Variants in SH3BP4 observed in about 807,000 individuals in gnomAD.
The protein encoded by SH3BP4 is SH3 domain binding protein 4, also known as SH3 domain-binding protein 4.
In SH3BP4, 33 loss-of-function variants were observed where a neutral mutation model predicts 65.5. That is an observed-to-expected ratio of 0.50 (90% CI 0.38 to 0.67). The LOEUF (loss-of-function observed/expected upper bound fraction) is 0.67. SH3BP4 is among the 30% of genes least tolerant of loss of function. The pLI is 0.00. For missense variants in SH3BP4, 1,134 were observed against 1,261.4 expected (o/e 0.90, Z 1.53); for synonymous variants, 552 against 545.5 (o/e 1.01, Z -0.17).
chr2:235,053,963 C>A lies in SH3BP4; in HGVS notation c.*147C>A. ...CCAGCTAGGCTACACCCATCATGCG[C>A]CGCCCTCCTCCATCGAGGGAGAGGC... On this transcript the variant is annotated 3_prime_UTR_variant, in exon 6 of 6. Transcript: ENST00000392011. 3.2e-6 allele frequency: 2 copies of A among 628,322 alleles called. No homozygotes were observed. Among genetic ancestry groups the A allele is most frequent in the Middle Eastern group, 4.3e-4 (1 of 2,324 alleles). The allele number at this position is 628,322 out of a possible 1,614,324, so 38.9% of individuals were successfully genotyped here.
rs1693756520 is a variant in SH3BP4, at chr2:234,991,804, A to G, written c.-206-3499A>G. ...GAATCCATCCACTGGGACCTCCCGG[A>G]CATGACAAGCCAGATTCTCTCCTCC... is the stretch of plus-strand genomic sequence containing the variant. On this transcript the variant is annotated intron_variant, in intron 1 of 5. Coordinates refer to ENST00000392011, the MANE Select transcript of SH3BP4 (RefSeq NM_014521.3). The surrounding 1 kb of genome is among the most constrained non-coding windows in gnomAD (Gnocchi z 4.2). Among the ~76,000 whole-genome samples, 1 of 152,166 alleles carries G rather than the reference A, an allele frequency of 6.6e-6. No individual in the cohort carries two copies. The highest frequency in any genetic ancestry group is 6.5e-5 in the Admixed American group (1 of 15,280).
At chr2:234,975,566 G>C (rs1230275932) in intron 1 of SH3BP4, among the ~76,000 whole-genome samples, 1 of 152,170 alleles carries the variant, frequency 6.6e-6, no homozygotes, top group Non-Finnish European at 1.5e-5. Flanking sequence ...AAGCTTTGAG[G>C]GTCAAAAATT....
rs182295426 is a variant in SH3BP4 at position 235,026,410 on chromosome 2, T to A, written c.-132-8461T>A. Among the ~76,000 whole-genome samples the A allele has an allele frequency of 2.0e-5, 3 of 152,298 alleles. 1 individual carries two copies. Among genetic ancestry groups the A allele is most frequent in the Admixed American group, 1.3e-4 (2 of 15,306 alleles). Reference sequence around the variant, plus strand: ...ATCTCTGGAGTCTGAGTCACCAGCTTGGCACCCACAGTTAAGCCTTGAATG... The same window carrying A: ...ATCTCTGGAGTCTGAGTCACCAGCTAGGCACCCACAGTTAAGCCTTGAATG... On this transcript the variant is annotated intron_variant, in intron 2 of 5. Coordinates refer to ENST00000392011, the MANE Select transcript of SH3BP4 (RefSeq NM_014521.3). This position sits in a 1 kb window ranked among gnomAD's most constrained non-coding sequence, Gnocchi z 4.6.
At position 235,033,824 on chromosome 2, in the gene SH3BP4, G is replaced by A. The variant is rs537126422; in HGVS notation, c.-132-1047G>A. ...TGCAAAGGGTGGTGTCAGGGCCTCC[G>A]GGTCTCTGCATGGTAAAGGCAGCAC... On this transcript the variant is annotated intron_variant, in intron 2 of 5. Transcript: ENST00000392011. This position sits in a 1 kb window ranked among gnomAD's most constrained non-coding sequence, Gnocchi z 5.7. Among the ~76,000 whole-genome samples, 106 of 152,248 alleles carry A rather than the reference G, an allele frequency of 7.0e-4. 1 individual carries two copies. The Middle Eastern group carries it at 0.01, about 15-fold the overall frequency.
Position 235,052,640 on chromosome 2 carries a change from G to A in SH3BP4, c.2557G>A (p.Val853Met). The change falls in exon 5 of 6, where the codon GTG (valine) becomes ATG (methionine). Residue 853 changes from valine to methionine, a missense_variant. Val to Met is a conservative substitution (Grantham distance 21). Coordinates refer to ENST00000392011, the MANE Select transcript of SH3BP4 (RefSeq NM_014521.3). The surrounding 1 kb of genome is among the most constrained non-coding windows in gnomAD (Gnocchi z 5.0). ...DFVLLTTAVE[V>M]AQRWRELAEK... Reference sequence around the variant, plus strand: ...TGTGCTCCTGACCACGGCTGTAGAGGTGGCCCAGCGCTGGCGGGAGCTGGC... The same window carrying A: ...TGTGCTCCTGACCACGGCTGTAGAGATGGCCCAGCGCTGGCGGGAGCTGGC... The A allele has an allele frequency of 6.3e-7, 1 of 1,580,272 alleles. No individual in the cohort carries two copies.
intron 2 of SH3BP4, among the ~76,000 whole-genome samples, chr2:235,028,250 T>G (rs1317102333): frequency 6.6e-6 from 1 of 152,188 alleles, no homozygotes; most frequent in Non-Finnish European, 1.5e-5. Context: ...GGTCTTGAGA[T>G]CCAGTGGTGG....
In SH3BP4 at chr2:234,976,379, A is replaced by G. The variant is rs1339027529; in HGVS notation, c.-206-18924A>G. 1.3e-5 allele frequency among the ~76,000 whole-genome samples: 2 copies of G among 152,130 alleles called. No homozygotes were observed. The highest frequency in any genetic ancestry group is 4.8e-5 in the African/African-American group (2 of 41,438). On this transcript the variant is annotated intron_variant, in intron 1 of 5. Transcript: ENST00000392011. The surrounding 1 kb of genome is among the most constrained non-coding windows in gnomAD (Gnocchi z 4.7). ...TAGATTTTAAACTTGTGTTGACCTT[A>G]TAGTCAACTGATAGTTCTGAGTAGT... is the stretch of plus-strand genomic sequence containing the variant.
rs1303858365 is a variant in SH3BP4 at position 235,035,104 on chromosome 2, C to G, written c.102C>G (p.Ser34Arg). The G allele has an allele frequency of 6.2e-7, 1 of 1,612,992 alleles. No individual in the cohort carries two copies. The highest frequency in any genetic ancestry group is 8.5e-7 in the Non-Finnish European group (1 of 1,179,038). The change falls in exon 3 of 6, where the codon AGC becomes AGG. Residue 34 changes from serine (S) to arginine (R), a missense_variant. Physicochemically the swap from Ser to Arg is moderately radical, Grantham distance 110. Transcript: ENST00000392011. This position sits in a 1 kb window ranked among gnomAD's most constrained non-coding sequence, Gnocchi z 5.0. The stretch of plus-strand genomic sequence containing the variant: ...TGAGCGAAGGGTTTTCAGAGACGAG[C>G]TTTAATGACATCAAAGGTGAGCTTC... ...IDLSEGFSET[S>R]FNDIKVPSPS...
At chr2:235,051,186 C>G (rs181869887) in intron 4 of SH3BP4, among the ~76,000 whole-genome samples, 5 of 152,180 alleles carry the variant, frequency 3.3e-5, no homozygotes, top group African/African-American at 1.2e-4. Flanking sequence ...CAGAGCCACA[C>G]GCTAACCATG....
In SH3BP4 at chr2:235,052,636, A is replaced by G. The variant is rs906037781; in HGVS notation, c.2553A>G (p.Val851=). 7 of 1,578,070 alleles carry G rather than the reference A, an allele frequency of 4.4e-6. No homozygotes were observed. The Admixed American group carries it at 1.3e-4, about 29-fold the overall frequency. ...IQDFVLLTTA[V]EVAQRWRELA... ...ACTTTGTGCTCCTGACCACGGCTGT[A>G]GAGGTGGCCCAGCGCTGGCGGGAGC... Residue 851 remains valine, a synonymous_variant, in exon 5 of 6, where the codon GTA becomes GTG. Transcript: ENST00000392011. This position sits in a 1 kb window ranked among gnomAD's most constrained non-coding sequence, Gnocchi z 5.0.
intron 1 of SH3BP4, among the ~76,000 whole-genome samples, chr2:234,957,968 C>T (rs1259055958): frequency 6.6e-6 from 1 of 152,112 alleles, no homozygotes; most frequent in African/African-American, 2.4e-5. Flanking sequence ...CCTCCAGGGG[C>T]ACGTGTCCTA....
intron 1 of SH3BP4, among the ~76,000 whole-genome samples, chr2:234,981,168 G>A (rs1483814417): frequency 3.9e-5 from 6 of 152,192 alleles, no homozygotes; most frequent in African/African-American, 1.4e-4. Context: ...TGTCCCGGGA[G>A]GATAATTTGC....
At chr2:234,959,369 G>A (rs1440187069) in intron 1 of SH3BP4, among the ~76,000 whole-genome samples, 5 of 109,660 alleles carry the variant, frequency 4.6e-5, no homozygotes, top group Non-Finnish European at 8.9e-5. Flanking sequence ...GCATGAAAGA[G>A]CTGGCAGAGA....
intron 2 of SH3BP4, among the ~76,000 whole-genome samples, chr2:235,004,818 G>T (rs2106287433): frequency 6.6e-6 from 1 of 152,294 alleles, no homozygotes; most frequent in African/African-American, 2.4e-5. Flanking sequence ...TGGCTGTTGT[G>T]ACTGGTGCTA....
Position 235,035,237 on chromosome 2 carries a change from T to G in SH3BP4, c.118+117T>G, listed in dbSNP as rs1695341055. ...GTTTAGCATTCAGATAGTTAAAGTT[T>G]AGTTCTTTAAACTTCATCATGGTAA... On this transcript the variant is annotated intron_variant, in intron 3 of 5. Transcript: ENST00000392011. The surrounding 1 kb of genome is among the most constrained non-coding windows in gnomAD (Gnocchi z 5.0). The G allele has an allele frequency of 3.8e-6, 3 of 797,116 alleles. No homozygotes were observed. The South Asian group carries it at 4.4e-5, about 12-fold the overall frequency. 49.4% of individuals were successfully genotyped at this position (797,116 alleles called of 1,614,324 possible).
At chr2:234,993,722 C>T (rs928741331) in intron 1 of SH3BP4, among the ~76,000 whole-genome samples, 3 of 152,150 alleles carry the variant, frequency 2.0e-5, no homozygotes, top group South Asian at 2.1e-4. Context: ...CTTTGGAGAA[C>T]GAGTACTTTG....
intron 3 of SH3BP4, among the ~76,000 whole-genome samples, chr2:235,036,155 C>T (rs1695371398): frequency 6.6e-6 from 1 of 152,198 alleles, no homozygotes; most frequent in Admixed American, 6.5e-5. Context: ...CTTCTCCTTC[C>T]CCTTTATCCC....
intron 1 of SH3BP4, among the ~76,000 whole-genome samples, chr2:234,989,881 T>A (rs1295264388): frequency 6.6e-6 from 1 of 152,172 alleles, no homozygotes; most frequent in African/African-American, 2.4e-5. Context: ...ATTTTCAGGG[T>A]GAACACCCCT....
chr2:234,972,549 A>G (rs1693032616), intron 1 of SH3BP4, among the ~76,000 whole-genome samples: 1 of 151,384 alleles, frequency 6.6e-6, no homozygotes, highest in Non-Finnish European at 1.5e-5. Context: ...ACATAGTGAA[A>G]CCCTGTCTCT....
Sources: gnomAD v4.1 joint callset for allele counts (sites outside exome capture counted in the v4.1 genomes callset) on GRCh38, gnomAD v4.1.1 for gene constraint, Gnocchi (gnomAD v3.1) non-coding constraint, MANE v1.5 for transcripts, NCBI Gene and HGNC (gene_info 2026-07-23, HGNC 2026-07-21) for gene names.